The following FRMPD4 variants were observed in gnomAD, a reference collection of about 807,000 sequenced individuals.
The protein encoded by FRMPD4 is FERM and PDZ domain-containing protein 4.
FRMPD4 carries 22 observed loss-of-function variants against 94.1 expected under a neutral mutation model. That is an observed-to-expected ratio of 0.23 (90% CI 0.17 to 0.33). The LOEUF (loss-of-function observed/expected upper bound fraction) is 0.33, where lower values mean the gene tolerates loss of function less well. FRMPD4 is among the 10% of genes least tolerant of loss of function. The pLI, the probability that FRMPD4 is intolerant of heterozygous loss-of-function variation, is 1.00. For synonymous variants in FRMPD4, 631 were observed against 548.6 expected (o/e 1.15, Z -2.10); for missense variants, 1,111 against 1,339.9 (o/e 0.83, Z 2.67).
intron 4 of FRMPD4, among the ~76,000 whole-genome samples, chrX:12,638,041 A>G (rs1170513105): frequency 1.8e-5 from 2 of 111,666 alleles, no homozygotes; most frequent in Non-Finnish European, 3.8e-5. Context: ...ATTCTATTTT[A>G]TGGTCCATTC....
intron 1 of FRMPD4, among the ~76,000 whole-genome samples, chrX:11,843,811 A>G (rs1422158893): frequency 2.7e-5 from 3 of 110,142 alleles, no homozygotes; most frequent in Non-Finnish European, 3.8e-5. Context: ...TTGGCCTTCA[A>G]AAGCACTTGG....
chrX:12,062,400 A>T (rs975232595), intron 3 of FRMPD4, among the ~76,000 whole-genome samples: 9 of 111,865 alleles, frequency 8.0e-5, no homozygotes, highest in Non-Finnish European at 1.7e-4. Flanking sequence ...TTCTCTTTTA[A>T]TTCAATCTTT....
intron 3 of FRMPD4, among the ~76,000 whole-genome samples, chrX:11,919,215 A>G (rs1188139231): frequency 8.9e-6 from 1 of 112,117 alleles, no homozygotes; most frequent in Admixed American, 9.4e-5. Context: ...AATACCTCCC[A>G]TCTCCCCATT....
intron 3 of FRMPD4, among the ~76,000 whole-genome samples, chrX:12,006,419 G>T (rs747739368): frequency 8.9e-6 from 1 of 112,160 alleles, no homozygotes; most frequent in African/African-American, 3.2e-5. Flanking sequence ...GGTGTTAAAA[G>T]AACTTTTAAC....
chrX:12,258,234 T>G (rs1014671705), intron 1 of FRMPD4, among the ~76,000 whole-genome samples: 3 of 111,613 alleles, frequency 2.7e-5, no homozygotes, highest in Non-Finnish European at 5.7e-5. Context: ...TAACTCCCAG[T>G]GCAACAGTGT....
intron 3 of FRMPD4, among the ~76,000 whole-genome samples, chrX:11,950,686 C>T (rs2054217368): frequency 9.0e-6 from 1 of 111,581 alleles, no homozygotes; most frequent in African/African-American, 3.3e-5. Context: ...TTAAAAAGCT[C>T]AACATCACTG....
intron 1 of FRMPD4, among the ~76,000 whole-genome samples, chrX:12,388,850 T>C (rs4618889): frequency 0.037 from 2,743 of 73,262 alleles, 116 homozygotes; most frequent in African/African-American, 0.1. Flanking sequence ...TATATATATA[T>C]ACACACAATG....
chrX:12,167,205 C>T (rs995447270), intron 1 of FRMPD4, among the ~76,000 whole-genome samples: 3 of 111,754 alleles, frequency 2.7e-5, no homozygotes, highest in Non-Finnish European at 5.6e-5. Flanking sequence ...TATAAATTTC[C>T]CTCTACACAC....
intron 1 of FRMPD4, among the ~76,000 whole-genome samples, chrX:11,848,284 T>G (rs2053594560): frequency 9.0e-6 from 1 of 111,129 alleles, no homozygotes; most frequent in South Asian, 3.8e-4. Flanking sequence ...TACTCTGAGA[T>G]TTGTGGCTGT....
chrX:12,396,810 A>AT (rs2056547928), intron 1 of FRMPD4, among the ~76,000 whole-genome samples: 1 of 111,801 alleles, frequency 8.9e-6, no homozygotes, highest in Non-Finnish European at 1.9e-5. Flanking sequence ...CCAACATTGC[A>AT]TTTTTTCTAT....
intron 3 of FRMPD4, among the ~76,000 whole-genome samples, chrX:11,952,520 TGG>T (rs1222345091): frequency 8.9e-6 from 1 of 112,427 alleles, no homozygotes. Context: ...CGAAAGGCAG[TGG>T]GACCTGGCAG....
intron 3 of FRMPD4, among the ~76,000 whole-genome samples, chrX:12,109,460 A>G (rs1312861911): frequency 8.9e-6 from 1 of 112,256 alleles, no homozygotes; most frequent in Admixed American, 9.4e-5. Flanking sequence ...AAATGCCCAC[A>G]AGAGAAAGCA....
chrX:12,555,055 C>G (rs1349859407), intron 2 of FRMPD4, among the ~76,000 whole-genome samples: 1 of 111,964 alleles, frequency 8.9e-6, no homozygotes, highest in Non-Finnish European at 1.9e-5. Context: ...TTTTTGGTAC[C>G]AAAACTACAT....
chrX:12,089,840 T>G, intron 3 of FRMPD4, among the ~76,000 whole-genome samples: 1 of 111,970 alleles, frequency 8.9e-6, no homozygotes, highest in South Asian at 3.8e-4. Context: ...AAGAGATACA[T>G]GTGAGAAGCC....
chrX:12,408,793 A>G (rs1245597267), intron 1 of FRMPD4, among the ~76,000 whole-genome samples: 1 of 112,235 alleles, frequency 8.9e-6, no homozygotes, highest in African/African-American at 3.2e-5. Flanking sequence ...TGTATCAGCA[A>G]GGACAAGAAC....
At chrX:12,437,073 CT>C (rs2057075608) in intron 1 of FRMPD4, among the ~76,000 whole-genome samples, 1 of 111,575 alleles carries the variant, frequency 9.0e-6, no homozygotes, top group Non-Finnish European at 1.9e-5. Context: ...TTTTTATTTT[CT>C]AATTTCTGTA....
intron 9 of FRMPD4, among the ~76,000 whole-genome samples, chrX:12,698,544 A>G (rs1261778626): frequency 9.0e-6 from 1 of 110,879 alleles, no homozygotes; most frequent in Non-Finnish European, 1.9e-5. Context: ...AACAGATACT[A>G]CCCATTTGCT....
intron 3 of FRMPD4, among the ~76,000 whole-genome samples, chrX:11,913,562 A>T (rs1227743561): frequency 8.9e-6 from 1 of 111,844 alleles, no homozygotes; most frequent in Non-Finnish European, 1.9e-5. Context: ...AAGATATTGG[A>T]CTCTAACTTC....
intron 5 of FRMPD4, among the ~76,000 whole-genome samples, chrX:12,680,093 T>C (rs2059952397): frequency 8.9e-6 from 1 of 112,104 alleles, no homozygotes; most frequent in South Asian, 3.7e-4. Flanking sequence ...CAGAAATTAA[T>C]CTTATTTCTG....
Sources: allele counts gnomAD v4.1 joint callset (sites outside exome capture counted in the v4.1 genomes callset), GRCh38; gene constraint gnomAD v4.1.1; transcripts MANE v1.5; gene names NCBI Gene and HGNC (gene_info 2026-07-23, HGNC 2026-07-21).